The following PCDHGA4 variants were observed in gnomAD, a reference collection of about 807,000 sequenced individuals.
PCDHGA4 encodes the protein protocadherin gamma subfamily A, 4, also known as protocadherin gamma-A4.
In PCDHGA4, 38 loss-of-function variants were observed where a neutral mutation model predicts 54.6. That is an observed-to-expected ratio of 0.70 (90% CI 0.54 to 0.91). The LOEUF is 0.91. PCDHGA4 is among the 40% of genes least tolerant of loss of function. The probability of loss-of-function intolerance (pLI) is 0.00; values close to 1 mark genes in which losing one functional copy is unlikely to be tolerated. For missense variants in PCDHGA4, 1,298 were observed against 1,220.9 expected, an observed-to-expected ratio of 1.06 and a Z score of -0.94; for synonymous variants, 511 against 512.9, an observed-to-expected ratio of 1.00 and a Z score of 0.05.
intron 1 of PCDHGA4, among the ~76,000 whole-genome samples, chr5:141,474,082 C>CA (rs1449032579): frequency 1.3e-5 from 2 of 152,064 alleles, no homozygotes; most frequent in African/African-American, 4.8e-5. Context: ...AAACAAAAAC[C>CA]AAAAAACAAA....
chr5:141,371,912 C>T (rs1768180129), intron 1 of PCDHGA4: 11 of 1,613,380 alleles, frequency 6.8e-6, no homozygotes, highest in Non-Finnish European at 9.3e-6. Context: ...CCTACGTGTC[C>T]GTGAGCGCGC....
At chr5:141,428,019 G>C in intron 1 of PCDHGA4, 1 of 1,604,824 alleles carries the variant, frequency 6.2e-7, no homozygotes, top group Non-Finnish European at 8.5e-7. Flanking sequence ...AGTGCCACGC[G>C]CCGCAGAGTC....
intron 1 of PCDHGA4, chr5:141,411,313 T>C (rs970801897): frequency 6.6e-5 from 10 of 152,224 alleles, no homozygotes; most frequent in African/African-American, 2.4e-4. Context: ...CTCACACCTA[T>C]AATCACAGCA....
chr5:141,398,067 C>T, intron 1 of PCDHGA4: 1 of 1,577,626 alleles, frequency 6.3e-7, no homozygotes, highest in Non-Finnish European at 8.6e-7. Flanking sequence ...ATCTACAATA[C>T]AGAGGTTATT....
intron 1 of PCDHGA4, chr5:141,400,367 C>A (rs372561902): frequency 6.8e-5 from 110 of 1,613,946 alleles, no homozygotes; most frequent in Non-Finnish European, 8.8e-5. Flanking sequence ...TTGCCTTATT[C>A]CTACAACCTA....
intron 1 of PCDHGA4, chr5:141,423,839 A>C: frequency 7.8e-7 from 1 of 1,279,970 alleles, no homozygotes; most frequent in Admixed American, 3.8e-5. Flanking sequence ...AGATTACGAT[A>C]ATCTTTCAGA....
chr5:141,409,906 T>G (rs779572711), intron 1 of PCDHGA4: 2 of 1,613,096 alleles, frequency 1.2e-6, no homozygotes, highest in African/African-American at 2.7e-5. Flanking sequence ...CAGCTCTGGG[T>G]CCTGACGGCT....
At chr5:141,385,281 C>T (rs761366864) in intron 1 of PCDHGA4, 6 of 1,613,348 alleles carry the variant, frequency 3.7e-6, no homozygotes, top group East Asian at 2.2e-5. Flanking sequence ...TGCTAACATC[C>T]GTAGATTTTC....
intron 1 of PCDHGA4, among the ~76,000 whole-genome samples, chr5:141,468,186 A>G (rs2099159540): frequency 6.6e-6 from 1 of 151,848 alleles, no homozygotes; most frequent in African/African-American, 2.4e-5. Context: ...TTTGCTGGGC[A>G]TGGTGGCGGG....
intron 1 of PCDHGA4, among the ~76,000 whole-genome samples, chr5:141,430,390 A>G (rs1231067120): frequency 6.6e-6 from 1 of 152,216 alleles, no homozygotes; most frequent in Non-Finnish European, 1.5e-5. Flanking sequence ...TGGGAAAAAA[A>G]AAAAAAGCTC....
rs1259021130 is a variant in PCDHGA4 at position 141,485,083 on chromosome 5, G to C, written c.2515-9724G>C. ...GCGCCAGAGCTGGCGCGGGGAAAGG[G>C]AGATAGGTGTCTCCAGCTGCTGTGG... On this transcript the variant is annotated intron_variant, in intron 1 of 3. Coordinates refer to ENST00000571252, the MANE Select transcript of PCDHGA4 (RefSeq NM_018917.4). The surrounding 1 kb of genome is among the most constrained non-coding windows in gnomAD (Gnocchi z 5.7). The C allele has an allele frequency of 1.0e-6, 1 of 989,386 alleles. No homozygotes were observed. The highest frequency in any genetic ancestry group is 1.6e-5 in the African/African-American group (1 of 61,992). 61.3% of individuals were successfully genotyped at this position (989,386 alleles called of 1,614,324 possible).
intron 3 of PCDHGA4, among the ~76,000 whole-genome samples, chr5:141,505,926 G>T (rs114056147): frequency 6.6e-6 from 1 of 152,146 alleles, no homozygotes; most frequent in African/African-American, 2.4e-5. Flanking sequence ...TGGGCCTGGC[G>T]CTTGGAAGCC....
chr5:141,467,287 A>C (rs2099140956), intron 1 of PCDHGA4, among the ~76,000 whole-genome samples: 1 of 152,082 alleles, frequency 6.6e-6, no homozygotes, highest in Admixed American at 6.6e-5. Flanking sequence ...TCTTGACCTC[A>C]AGTGATCCAC....
intron 1 of PCDHGA4, chr5:141,433,253 G>T: frequency 7.1e-7 from 1 of 1,416,466 alleles, no homozygotes; most frequent in South Asian, 1.3e-5. Flanking sequence ...GAATGCAGCG[G>T]TACGATCATA....
In PCDHGA4 at chr5:141,363,308, G is replaced by A. The variant is rs144371866; in HGVS notation, c.2514+5687G>A. ...ATTATATAGAATTTTTATTTTCTTA[G>A]TTTTCTATGAAAGTGTTATTAAATA... On this transcript the variant is annotated intron_variant, in intron 1 of 3. Transcript: ENST00000571252. Among the ~76,000 whole-genome samples, 211 of 152,094 alleles carry A rather than the reference G, an allele frequency of 1.4e-3. 2 individuals carry two copies. Among genetic ancestry groups the A allele is most frequent in the African/African-American group, 5.0e-3 (207 of 41,486 alleles).
chr5:141,409,608 C>T, intron 1 of PCDHGA4: 18 of 1,613,942 alleles, frequency 1.1e-5, no homozygotes, highest in Non-Finnish European at 1.4e-5. Flanking sequence ...CCGCCAGGAG[C>T]CTCCATTGCG....
In PCDHGA4 at chr5:141,376,671, G is replaced by T. The variant is rs541543618; in HGVS notation, c.2514+19050G>T. Reference sequence around the variant, plus strand: ...GGAAGACTCCCTTGTTCAGGTGAGGGTATCGTTTTTTTTTTTTTTTTTTTT... The same window carrying T: ...GGAAGACTCCCTTGTTCAGGTGAGGTTATCGTTTTTTTTTTTTTTTTTTTT... On this transcript the variant is annotated intron_variant, in intron 1 of 3. Transcript: ENST00000571252. The T allele has an allele frequency of 4.4e-4, 244 of 553,734 alleles. 1 individual carries two copies. The East Asian group carries it at 5.1e-3, about 12-fold the overall frequency. 34.3% of individuals were successfully genotyped at this position (553,734 alleles called of 1,614,324 possible).
In PCDHGA4 at chr5:141,382,895, CG is replaced by C. The variant is rs746416348; in HGVS notation, c.2514+25275del. 5.9e-6 allele frequency: 9 copies of C among 1,536,084 alleles called. No individual in the cohort carries two copies. In the Admixed American group the frequency reaches 1.9e-4, roughly 33 times the overall value. On this transcript the variant is annotated intron_variant, in intron 1 of 3. Transcript: ENST00000571252. ...CGGCGCCTAAGCAAGAGAAGCAGGA[CG>C]ACTATGGCGGCTCAGCCGAGGGGCG...
intron 1 of PCDHGA4, chr5:141,379,281 T>G (rs1775489510): frequency 2.6e-5 from 4 of 152,252 alleles, no homozygotes; most frequent in Admixed American, 2.6e-4. Context: ...ATTTATTTAT[T>G]TCAAGTTTCC....
Sources: allele counts gnomAD v4.1 joint callset (sites outside exome capture counted in the v4.1 genomes callset), GRCh38; gene constraint gnomAD v4.1.1; non-coding constraint Gnocchi (gnomAD v3.1); transcripts MANE v1.5; gene names NCBI Gene and HGNC (gene_info 2026-07-23, HGNC 2026-07-21).